The following EXOC6B variants were observed in gnomAD, a reference collection of about 807,000 sequenced individuals.
The protein encoded by EXOC6B is SEC15 homolog B.
EXOC6B carries 54 observed loss-of-function variants against 113.5 expected under a neutral mutation model. That is an observed-to-expected ratio of 0.48 (90% CI 0.38 to 0.60). The LOEUF is 0.60. Ranked by LOEUF, EXOC6B falls within the 20% of genes least tolerant of loss-of-function variation. The pLI, the probability that EXOC6B is intolerant of heterozygous loss-of-function variation, is 0.00. For missense variants in EXOC6B, 797 were observed against 977.5 expected, an observed-to-expected ratio of 0.82 and a Z score of 2.46; for synonymous variants, 357 against 339.0, an observed-to-expected ratio of 1.05 and a Z score of -0.58.
intron 20 of EXOC6B, among the ~76,000 whole-genome samples, chr2:72,279,886 C>T (rs954643451): frequency 6.6e-6 from 1 of 152,052 alleles, no homozygotes; most frequent in Non-Finnish European, 1.5e-5. Context: ...AAGTGATCCA[C>T]CCACCTCAGC....
chr2:72,657,545 T>G (rs1674676103), intron 6 of EXOC6B, among the ~76,000 whole-genome samples: 2 of 149,814 alleles, frequency 1.3e-5, no homozygotes. Context: ...CATTTAATAT[T>G]AGGTCTTTCC....
At chr2:72,553,528 A>G (rs1369505105) in intron 8 of EXOC6B, among the ~76,000 whole-genome samples, 1 of 152,068 alleles carries the variant, frequency 6.6e-6, no homozygotes, top group Non-Finnish European at 1.5e-5. Context: ...GACTTATTTT[A>G]TACCATCTAT....
chr2:72,593,772 T>C (rs1573454222), intron 6 of EXOC6B, among the ~76,000 whole-genome samples: 1 of 152,000 alleles, frequency 6.6e-6, no homozygotes, highest in African/African-American at 2.4e-5. Flanking sequence ...AAATAGAATA[T>C]TACAAACAAC....
chr2:72,328,993 C>T (rs543366936), intron 20 of EXOC6B, among the ~76,000 whole-genome samples: 1 of 152,184 alleles, frequency 6.6e-6, no homozygotes, highest in South Asian at 2.1e-4. Flanking sequence ...CATTATTTGA[C>T]ATCACATACA....
intron 20 of EXOC6B, among the ~76,000 whole-genome samples, chr2:72,281,591 A>G (rs757165836): frequency 2.0e-5 from 3 of 152,252 alleles, no homozygotes; most frequent in Non-Finnish European, 4.4e-5. Flanking sequence ...GTCTAGACAG[A>G]AGCAAAATCT....
chr2:72,310,240 T>G (rs1200445056), intron 20 of EXOC6B, among the ~76,000 whole-genome samples: 2 of 152,184 alleles, frequency 1.3e-5, no homozygotes, highest in Non-Finnish European at 2.9e-5. Flanking sequence ...AGCACCATAT[T>G]ACATTCCCAC....
chr2:72,196,246 C>G (rs1248040911), intron 20 of EXOC6B, among the ~76,000 whole-genome samples: 2 of 152,160 alleles, frequency 1.3e-5, no homozygotes, highest in African/African-American at 4.8e-5. Context: ...AAAATTACAT[C>G]TTGCCTTATA....
At chr2:72,808,337 A>G (rs1685693972) in intron 1 of EXOC6B, among the ~76,000 whole-genome samples, 1 of 152,224 alleles carries the variant, frequency 6.6e-6, no homozygotes, top group Non-Finnish European at 1.5e-5. Flanking sequence ...TGATGTAAAG[A>G]GATATAAAGA....
chr2:72,607,229 T>A (rs1670807783), intron 6 of EXOC6B, among the ~76,000 whole-genome samples: 1 of 152,158 alleles, frequency 6.6e-6, no homozygotes, highest in Non-Finnish European at 1.5e-5. Flanking sequence ...ATTAACAAAG[T>A]CTTTCTCTCA....
intron 1 of EXOC6B, among the ~76,000 whole-genome samples, chr2:72,790,505 A>G (rs1166345561): frequency 2.0e-5 from 3 of 152,338 alleles, no homozygotes; most frequent in Admixed American, 6.5e-5. Context: ...TGGAACCTGA[A>G]GCAGTCCCAC....
chr2:72,547,941 C>T (rs977360760), intron 8 of EXOC6B, among the ~76,000 whole-genome samples: 12 of 152,022 alleles, frequency 7.9e-5, no homozygotes, highest in Non-Finnish European at 1.8e-4. Context: ...TTATATCCTG[C>T]CCCTTACCTG....
At chr2:72,797,745 C>T (rs925070303) in intron 1 of EXOC6B, among the ~76,000 whole-genome samples, 1 of 152,038 alleles carries the variant, frequency 6.6e-6, no homozygotes. Context: ...ACCTGGGAGG[C>T]GGAGGTTGTA....
chr2:72,704,952 G>A (rs1678741667), intron 6 of EXOC6B, among the ~76,000 whole-genome samples: 1 of 151,834 alleles, frequency 6.6e-6, no homozygotes, highest in Non-Finnish European at 1.5e-5. Context: ...AATAGAAAAA[G>A]AGGGAATCCT....
At chr2:72,728,779 G>C (rs1372069316) in intron 5 of EXOC6B, among the ~76,000 whole-genome samples, 1 of 152,102 alleles carries the variant, frequency 6.6e-6, no homozygotes, top group Non-Finnish European at 1.5e-5. Flanking sequence ...TATACACAGG[G>C]AACCCAGGAA....
At chr2:72,397,683 T>G (rs573856787) in intron 18 of EXOC6B, among the ~76,000 whole-genome samples, 1 of 137,640 alleles carries the variant, frequency 7.3e-6, no homozygotes, top group African/African-American at 3.4e-5. Flanking sequence ...CACTCATATA[T>G]TCAAGGCATT....
intron 6 of EXOC6B, among the ~76,000 whole-genome samples, chr2:72,712,690 A>T (rs914474858): frequency 6.6e-6 from 1 of 151,864 alleles, no homozygotes; most frequent in African/African-American, 2.4e-5. Context: ...TCTATCTCTG[A>T]CCTCCTGGCC....
intron 6 of EXOC6B, among the ~76,000 whole-genome samples, chr2:72,663,484 A>C (rs1231027139): frequency 6.6e-6 from 1 of 152,214 alleles, no homozygotes; most frequent in Non-Finnish European, 1.5e-5. Context: ...AAAATTACAA[A>C]ACACTTCTAA....
chr2:72,697,284 C>T (rs1232429204), intron 6 of EXOC6B, among the ~76,000 whole-genome samples: 9 of 151,994 alleles, frequency 5.9e-5, no homozygotes, highest in Non-Finnish European at 1.5e-5. Flanking sequence ...ACAAATGTCC[C>T]ACTTCCTTTG....
At chr2:72,785,051 G>T (rs956034507) in intron 1 of EXOC6B, among the ~76,000 whole-genome samples, 1 of 152,108 alleles carries the variant, frequency 6.6e-6, no homozygotes, top group African/African-American at 2.4e-5. Context: ...CAAAACAAAG[G>T]GGTTACAGGG....
Sources: allele counts gnomAD v4.1 joint callset (sites outside exome capture counted in the v4.1 genomes callset), GRCh38; gene constraint gnomAD v4.1.1; transcripts MANE v1.5; gene names NCBI Gene and HGNC (gene_info 2026-07-23, HGNC 2026-07-21).